DGCR8: variants seen among roughly 807,000 people sequenced by gnomAD.
The protein encoded by DGCR8 is microprocessor complex subunit DGCR8.
DGCR8 carries 14 observed loss-of-function variants against 78.5 expected under a neutral mutation model. The observed-to-expected ratio is 0.18, with a 90% CI of 0.12 to 0.28. DGCR8 has a LOEUF of 0.28. DGCR8 is among the 10% of genes least tolerant of loss of function. The probability of loss-of-function intolerance (pLI) is 1.00; values close to 1 mark genes in which losing one functional copy is unlikely to be tolerated. For synonymous variants in DGCR8, 399 were observed against 402.4 expected (o/e 0.99, Z 0.10); for missense variants, 702 against 1,022.5 (o/e 0.69, Z 4.28).
chr22:20,086,475 G>T lies in DGCR8; in HGVS notation c.512G>T (p.Gly171Val), dbSNP rs2049484707. ...CCCTTTGGCGGGAGTGTTGGTGACG[G>T]GGTAGGCATAGGGGGTGAGAGTGCT... Reference protein sequence around the residue: ...ACPFGGSVGDGVGIGGESADK... With the variant: ...ACPFGGSVGDVVGIGGESADK... The change falls in exon 2 of 14, where the codon GGG becomes GTG. Residue 171 changes from glycine to valine, a missense_variant. This residue lies in a region of DGCR8 where 356 missense variants were observed against 448.9 expected (regional missense o/e 0.79). Coordinates refer to ENST00000351989, the MANE Select transcript of DGCR8 (RefSeq NM_022720.7). The surrounding 1 kb of genome is among the most constrained non-coding windows in gnomAD (Gnocchi z 6.4). 1 of 1,614,032 alleles carries T rather than the reference G, an allele frequency of 6.2e-7. No homozygotes were observed. The highest frequency in any genetic ancestry group is 1.1e-5 in the South Asian group (1 of 91,080).
Position 20,091,519 on chromosome 22 carries a change from G to A in DGCR8, c.1391G>A (p.Arg464Gln). ...AAAAAATTCAGGACTTGGGCTGAGC[G>A]GCGGCAATTCAATCGGGAAATGAAG... Reference protein sequence around the residue: ...TVKKFRTWAERRQFNREMKRK... With the variant: ...TVKKFRTWAEQRQFNREMKRK... Residue 464 changes from arginine (R) to glutamine (Q), a missense_variant, in exon 6 of 14, where the codon CGG becomes CAG. Coordinates refer to ENST00000351989, the MANE Select transcript of DGCR8 (RefSeq NM_022720.7). 1 of 1,614,226 alleles carries A rather than the reference G, an allele frequency of 6.2e-7. No individual in the cohort carries two copies. The highest frequency in any genetic ancestry group is 8.5e-7 in the Non-Finnish European group (1 of 1,180,050).
At chr22:20,103,671 G>A (rs1028284819) in intron 9 of DGCR8, among the ~76,000 whole-genome samples, 1 of 152,144 alleles carries the variant, frequency 6.6e-6, no homozygotes, top group Non-Finnish European at 1.5e-5. Context: ...CAAGCGAAGT[G>A]GGAAGTAGCC....
At chr22:20,104,319 C>T (rs963356194) in intron 9 of DGCR8, among the ~76,000 whole-genome samples, 5 of 152,170 alleles carry the variant, frequency 3.3e-5, no homozygotes, top group African/African-American at 4.8e-5. Flanking sequence ...CGCCTGCCAC[C>T]GCGCCCGGCT....
At chr22:20,098,147 G>GA (rs200437017) in intron 9 of DGCR8, among the ~76,000 whole-genome samples, 4,175 of 146,286 alleles carry the variant, frequency 0.029, 99 homozygotes, top group East Asian at 0.087. Context: ...AAAGGAAAAA[G>GA]AAAAAAAATA....
At chr22:20,084,737 G>A (rs1054582581) in intron 1 of DGCR8, among the ~76,000 whole-genome samples, 5 of 152,174 alleles carry the variant, frequency 3.3e-5, no homozygotes, top group East Asian at 1.9e-4. Flanking sequence ...ATCCACCTCC[G>A]TTGGGTCAAC....
In DGCR8 at chr22:20,092,789, C is replaced by G. The variant is rs775991986; in HGVS notation, c.1607-20C>G. On this transcript the variant is annotated intron_variant, in intron 7 of 13. Coordinates refer to ENST00000351989, the MANE Select transcript of DGCR8 (RefSeq NM_022720.7). The stretch of plus-strand genomic sequence containing the variant: ...ATGTCTTGACTCGTATGTTTTAAAA[C>G]AAGTAATTTTAATTTTAAGAGAACC... 2.5e-6 allele frequency: 4 copies of G among 1,599,022 alleles called. No homozygotes were observed. The highest frequency in any genetic ancestry group is 3.4e-6 in the Non-Finnish European group (4 of 1,167,560).
intron 7 of DGCR8, 31 bp from the exon 8 acceptor site, chr22:20,092,778 A>G (rs2049581196): frequency 1.9e-6 from 3 of 1,582,326 alleles, no homozygotes; most frequent in South Asian, 2.2e-5. Flanking sequence ...CTTGACTCGT[A>G]TGTTTTAAAA....
At chr22:20,081,737 C>T (rs1291975508) in intron 1 of DGCR8, among the ~76,000 whole-genome samples, 1 of 152,218 alleles carries the variant, frequency 6.6e-6, no homozygotes. Context: ...GCCACCTCTT[C>T]CATATCTCCA....
chr22:20,094,651 C>T (rs770865731), intron 8 of DGCR8, 62 bp from the exon 9 acceptor site: 1,405 of 1,455,262 alleles, frequency 9.7e-4, no homozygotes, highest in Middle Eastern at 3.7e-3. Context: ...ACAGTTCACT[C>T]TGCAGGGTGG....
chr22:20,092,528 C>T (rs1447016928), intron 7 of DGCR8, among the ~76,000 whole-genome samples: 1 of 152,142 alleles, frequency 6.6e-6, no homozygotes, highest in African/African-American at 2.4e-5. Context: ...GACCTTGGTC[C>T]CTGTCGTAGG....
rs374110437 is a variant in DGCR8 at position 20,106,315 on chromosome 22, G to T, written c.1889+38G>T. On this transcript the variant is annotated intron_variant, in intron 10 of 13. Coordinates refer to ENST00000351989, the MANE Select transcript of DGCR8 (RefSeq NM_022720.7). Reference sequence around the variant, plus strand: ...GGTGCCTCCCCCCATGAGTCAGGTCGGGGGAGCTCCTCTCTGGCGTCTCAT... The same window carrying T: ...GGTGCCTCCCCCCATGAGTCAGGTCTGGGGAGCTCCTCTCTGGCGTCTCAT... 5.2e-6 allele frequency: 8 copies of T among 1,525,938 alleles called. 1 individual carries two copies. The South Asian group carries it at 9.0e-5, about 17-fold the overall frequency. 94.5% of individuals were successfully genotyped at this position (1,525,938 alleles called of 1,614,324 possible).
At chr22:20,100,892 C>T (rs917875063) in intron 9 of DGCR8, 2 of 948,076 alleles carry the variant, frequency 2.1e-6, no homozygotes, top group Non-Finnish European at 2.5e-6. Context: ...GGACTGCCCC[C>T]ACTTCCTGTG....
chr22:20,096,736 C>T (rs1381360665), intron 9 of DGCR8, among the ~76,000 whole-genome samples: 3 of 152,194 alleles, frequency 2.0e-5, no homozygotes, highest in African/African-American at 7.2e-5. Flanking sequence ...TCTGCCAACT[C>T]TGGACATTTC....
chr22:20,106,775 G>A, intron 11 of DGCR8, 77 bp downstream of exon 11: 2 of 1,020,880 alleles, frequency 2.0e-6, no homozygotes, highest in Non-Finnish European at 3.1e-6. Flanking sequence ...CTGTGGCTTG[G>A]TCTCAGCTGT....
intron 9 of DGCR8, among the ~76,000 whole-genome samples, chr22:20,103,853 A>G (rs2049736281): frequency 6.6e-6 from 1 of 152,238 alleles, no homozygotes. Context: ...GAACAGGTGT[A>G]GGGCTGTTGA....
At chr22:20,109,226 C>T in intron 13 of DGCR8, 1 of 423,262 alleles carries the variant, frequency 2.4e-6, no homozygotes, top group Non-Finnish European at 4.5e-6. Context: ...GCAGGCCAGC[C>T]TGTTGGTGGA....
Position 20,086,430 on chromosome 22 carries a change from G to A in DGCR8, c.467G>A (p.Ser156Asn). The A allele has an allele frequency of 6.2e-7, 1 of 1,614,038 alleles. No homozygotes were observed. The highest frequency in any genetic ancestry group is 8.5e-7 in the Non-Finnish European group (1 of 1,180,030). ...TGCGGTCTGCTCCTTAGCCCTGTCAGTGGGGACGTGCATGCTTGTCCCTTT... is the reference window on the plus strand; with the variant it reads ...TGCGGTCTGCTCCTTAGCCCTGTCAATGGGGACGTGCATGCTTGTCCCTTT... ...AECGLLLSPV[S>N]GDVHACPFGG... is the part of the protein sequence containing the mutation. Residue 156 changes from serine to asparagine, a missense_variant, in exon 2 of 14, where the codon AGT becomes AAT. This residue lies in a region of DGCR8 where 356 missense variants were observed against 448.9 expected (regional missense o/e 0.79). Coordinates refer to ENST00000351989, the MANE Select transcript of DGCR8 (RefSeq NM_022720.7). This position sits in a 1 kb window ranked among gnomAD's most constrained non-coding sequence, Gnocchi z 6.4.
chr22:20,111,235 G>C lies in DGCR8; in HGVS notation c.*1127G>C, dbSNP rs1011129538. ...CTGAGGCACCAGGGTGTGCTCAAAGGCTGGCCCTGGTGGTGGACTGGCACC... is the reference window on the plus strand; with the variant it reads ...CTGAGGCACCAGGGTGTGCTCAAAGCCTGGCCCTGGTGGTGGACTGGCACC... On this transcript the variant is annotated 3_prime_UTR_variant, in exon 14 of 14. Transcript: ENST00000351989. 1.8e-5 allele frequency: 7 copies of C among 398,762 alleles called. No individual in the cohort carries two copies. Among genetic ancestry groups the C allele is most frequent in the South Asian group, 1.3e-4 (1 of 7,868 alleles). 24.7% of individuals were successfully genotyped at this position (398,762 alleles called of 1,614,324 possible). A position where few individuals can be genotyped will look rare whatever the true frequency, so the allele number is the denominator to read the frequency against.
intron 13 of DGCR8, 42 bp from the exon 14 acceptor site, chr22:20,109,983 A>T: frequency 1.2e-6 from 2 of 1,602,148 alleles, no homozygotes; most frequent in Non-Finnish European, 1.7e-6. Flanking sequence ...GCCTCTGCCA[A>T]GCCCACCTCA....
Sources: allele counts gnomAD v4.1 joint callset (sites outside exome capture counted in the v4.1 genomes callset), GRCh38; gene constraint gnomAD v4.1.1; regional missense constraint gnomAD v4.1.1; non-coding constraint Gnocchi (gnomAD v3.1); transcripts MANE v1.5; gene names NCBI Gene and HGNC (gene_info 2026-07-23, HGNC 2026-07-21).